LPCAT1: variants seen among roughly 807,000 people sequenced by gnomAD.
The protein encoded by LPCAT1 is lysophosphatidylcholine acyltransferase 1, also known as 1-acylglycerol-3-phosphate O-acyltransferase.
LPCAT1 carries 23 observed loss-of-function variants against 60.9 expected under a neutral mutation model. The ratio of observed to expected loss-of-function variants is 0.38; its 90% CI spans 0.27 to 0.53. The LOEUF (loss-of-function observed/expected upper bound fraction) is 0.53, where lower values mean the gene tolerates loss of function less well. Among genes scored for constraint, LPCAT1 ranks in the 20% least tolerant of loss-of-function variants. The pLI, the probability that LPCAT1 is intolerant of heterozygous loss-of-function variation, is 0.82. For missense variants in LPCAT1, 622 were observed against 723.6 expected (o/e 0.86, Z 1.61); for synonymous variants, 340 against 301.1 (o/e 1.13, Z -1.34).
At chr5:1,506,454 G>A (rs376412886) in intron 1 of LPCAT1, among the ~76,000 whole-genome samples, 11 of 152,208 alleles carry the variant, frequency 7.2e-5, no homozygotes, top group East Asian at 1.9e-4. Flanking sequence ...CCACCCCTGC[G>A]TCCAGCCTCA....
At position 1,489,571 on chromosome 5, in the gene LPCAT1, C is replaced by T. The variant is rs994347567; in HGVS notation, c.606+175G>A. ...TTTTCTTTACTTTAACTTTAAATTTCGGGCACCGAAACCAAATGCACCTGA... is the reference window on the plus strand; with the variant it reads ...TTTTCTTTACTTTAACTTTAAATTTTGGGCACCGAAACCAAATGCACCTGA... On this transcript the variant is annotated intron_variant, in intron 4 of 13. Coordinates refer to ENST00000283415, the MANE Select transcript of LPCAT1 (RefSeq NM_024830.5). Among the ~76,000 whole-genome samples, 5 of 152,228 alleles carry T rather than the reference C, an allele frequency of 3.3e-5. No individual in the cohort carries two copies. In the East Asian group the frequency reaches 5.8e-4, roughly 18 times the overall value.
In LPCAT1 at chr5:1,502,338, A is replaced by T. The variant is rs2937646; in HGVS notation, c.136-735T>A. On this transcript the variant is annotated intron_variant, in intron 1 of 13. Transcript: ENST00000283415. The surrounding 1 kb of genome is among the most constrained non-coding windows in gnomAD (Gnocchi z 5.5). ...GAAATCGTTTATGTGGACATGAGAAAGCATACGCCACCCTAGGCAGTGTTG... is the reference window on the plus strand; with the variant it reads ...GAAATCGTTTATGTGGACATGAGAATGCATACGCCACCCTAGGCAGTGTTG... 0.49 allele frequency among the ~76,000 whole-genome samples: 74,057 copies of T among 152,082 alleles called. 20,973 individuals are homozygous for T. The highest frequency in any genetic ancestry group is 0.79 in the African/African-American group (32,624 of 41,476).
intron 1 of LPCAT1, among the ~76,000 whole-genome samples, chr5:1,508,440 T>A (rs113352160): frequency 0.012 from 1,857 of 152,208 alleles, 36 homozygotes; most frequent in African/African-American, 0.043. Context: ...CCAACCTGCC[T>A]GGTGTCCTTA....
chr5:1,501,318 G>T, intron 2 of LPCAT1, 143 bp downstream of exon 2: 1 of 1,155,436 alleles, frequency 8.7e-7, no homozygotes, highest in Non-Finnish European at 1.2e-6. Context: ...CTGGCAGGGG[G>T]CAGCCCTGGT....
chr5:1,464,667 G>A lies in LPCAT1; in HGVS notation c.1421-832C>T, dbSNP rs187977564. Among the ~76,000 whole-genome samples, 1,048 of 111,418 alleles carry A rather than the reference G, an allele frequency of 9.4e-3. 13 individuals carry two copies. The highest frequency in any genetic ancestry group is 0.019 in the Admixed American group (180 of 9,434). 73.1% of individuals were successfully genotyped at this position (111,418 alleles called of 152,430 possible). A position where few individuals can be genotyped will look rare whatever the true frequency, so the allele number is the denominator to read the frequency against. On this transcript the variant is annotated intron_variant, in intron 13 of 13. Coordinates refer to ENST00000283415, the MANE Select transcript of LPCAT1 (RefSeq NM_024830.5). ...TGCACACACACACACACAAAAGCACGCACACACACGGTAAACAAACACATG... is the reference window on the plus strand; with the variant it reads ...TGCACACACACACACACAAAAGCACACACACACACGGTAAACAAACACATG...
Position 1,521,153 on chromosome 5 carries a change from G to A in LPCAT1, c.135+2557C>T, listed in dbSNP as rs1371851564. 2.0e-5 allele frequency among the ~76,000 whole-genome samples: 3 copies of A among 152,208 alleles called. No individual in the cohort carries two copies. Among genetic ancestry groups the A allele is most frequent in the African/African-American group, 7.2e-5 (3 of 41,446 alleles). ...CATTGCACGTATTACAGACCCTGAT[G>A]GCTTTGATACCTCTTTTCAGATCTT... On this transcript the variant is annotated intron_variant, in intron 1 of 13. Transcript: ENST00000283415. The surrounding 1 kb of genome is among the most constrained non-coding windows in gnomAD (Gnocchi z 4.3).
chr5:1,479,372 G>C, intron 8 of LPCAT1: 1 of 539,684 alleles, frequency 1.9e-6, no homozygotes, highest in South Asian at 2.4e-5. Context: ...AAGACAAAAT[G>C]CTGTCTCAGA....
rs747144757 is a variant in LPCAT1, at chr5:1,466,715, G to A, written c.1420+34C>T. 16 of 1,589,120 alleles carry A rather than the reference G, an allele frequency of 1.0e-5. No individual in the cohort carries two copies. The South Asian group carries it at 1.6e-4, about 16-fold the overall frequency. ...ACACTCTGTCCAGCCCCCGCCCAAG[G>A]GTCGCGAGGACGACCCCACTCCTGC... On this transcript the variant is annotated intron_variant, in intron 13 of 13. Transcript: ENST00000283415.
At chr5:1,484,011 A>AG (rs1735275867) in intron 5 of LPCAT1, among the ~76,000 whole-genome samples, 1 of 152,260 alleles carries the variant, frequency 6.6e-6, no homozygotes, top group African/African-American at 2.4e-5. Context: ...TGACGGGGTT[A>AG]GGGTCTGCCC....
At chr5:1,492,903 A>G (rs1364349498) in intron 3 of LPCAT1, among the ~76,000 whole-genome samples, 1 of 152,242 alleles carries the variant, frequency 6.6e-6, no homozygotes, top group Non-Finnish European at 1.5e-5. Context: ...CTGGGCACAC[A>G]GCTCCACAAT....
intron 13 of LPCAT1, 51 bp from the exon 14 acceptor site, chr5:1,463,886 T>A (rs1390209006): frequency 6.3e-7 from 1 of 1,588,294 alleles, no homozygotes; most frequent in East Asian, 2.2e-5. Flanking sequence ...AGCAAATGTC[T>A]AGGATTTGGA....
At chr5:1,491,155 C>T (rs1179606386) in intron 3 of LPCAT1, among the ~76,000 whole-genome samples, 3 of 107,614 alleles carry the variant, frequency 2.8e-5, no homozygotes, top group African/African-American at 9.8e-5. Context: ...TGCTTTTTCA[C>T]GATTCCAGTA....
At chr5:1,492,734 T>G (rs968465660) in intron 3 of LPCAT1, among the ~76,000 whole-genome samples, 1 of 152,158 alleles carries the variant, frequency 6.6e-6, no homozygotes, top group African/African-American at 2.4e-5. Flanking sequence ...TCTAGAAAGA[T>G]AGGACTACAA....
intron 6 of LPCAT1, among the ~76,000 whole-genome samples, chr5:1,482,071 G>A (rs1268598239): frequency 1.3e-5 from 2 of 152,170 alleles, no homozygotes; most frequent in African/African-American, 4.8e-5. Context: ...TGATGGGCAG[G>A]CCCTCCTCGG....
At chr5:1,491,043 C>G (rs1471852347) in intron 3 of LPCAT1, among the ~76,000 whole-genome samples, 1 of 151,682 alleles carries the variant, frequency 6.6e-6, no homozygotes, top group Non-Finnish European at 1.5e-5. Context: ...TGGAGGTTCT[C>G]TCCTCCAAGA....
At position 1,477,419 on chromosome 5, in the gene LPCAT1, C is replaced by T. The variant is rs770793471; in HGVS notation, c.884G>A (p.Arg295Gln). The T allele has an allele frequency of 2.7e-5, 43 of 1,613,870 alleles. No homozygotes were observed. Among genetic ancestry groups the T allele is most frequent in the South Asian group, 5.5e-5 (5 of 91,068 alleles). The change falls in exon 9 of 14, where the codon CGG becomes CAG. Residue 295 changes from arginine to glutamine, a missense_variant. Arg to Gln is a conservative substitution (Grantham distance 43, BLOSUM62 1). Transcript: ENST00000283415. This position sits in a 1 kb window ranked among gnomAD's most constrained non-coding sequence, Gnocchi z 6.0. ...GCTCACTTACTCGGCCATGACTCGC[C>T]GCACGTTGCTGGCATACAGCGCGGG... is the stretch of plus-strand genomic sequence containing the variant. ...RNPALYASNV[R>Q]RVMAEALGVS... is the part of the protein sequence containing the mutation.
chr5:1,476,056 G>A lies in LPCAT1; in HGVS notation c.899+1348C>T, dbSNP rs1238857372. Among the ~76,000 whole-genome samples, 1 of 152,218 alleles carries A rather than the reference G, an allele frequency of 6.6e-6. No homozygotes were observed. Among genetic ancestry groups the A allele is most frequent in the Non-Finnish European group, 1.5e-5 (1 of 68,042 alleles). On this transcript the variant is annotated intron_variant, in intron 9 of 13. Coordinates refer to ENST00000283415, the MANE Select transcript of LPCAT1 (RefSeq NM_024830.5). This position sits in a 1 kb window ranked among gnomAD's most constrained non-coding sequence, Gnocchi z 8.6. The stretch of plus-strand genomic sequence containing the variant: ...ATTCTGAATTACTACAATGGAAATG[G>A]CAGCACTCTCGTACCCTAAAAAAAG...
At chr5:1,505,774 C>A (rs1021987165) in intron 1 of LPCAT1, among the ~76,000 whole-genome samples, 6 of 152,258 alleles carry the variant, frequency 3.9e-5, no homozygotes, top group African/African-American at 1.4e-4. Flanking sequence ...GACCACCTGA[C>A]CCTCACCTCA....
In LPCAT1 at chr5:1,466,749, C is replaced by G; in HGVS notation, c.1420G>C (p.Ala474Pro). ...DQEEKGKITF[A>P]DFHRFAEMYP... ...GACGACCCCACTCCTGCGGGCTCAC[C>G]GAATGTGATCTTCCCCTTCTCCTCT... is the stretch of plus-strand genomic sequence containing the variant. The change falls in exon 13 of 14, where the codon GCT (alanine) becomes CCT (proline). Residue 474 changes from alanine to proline, a missense_variant and splice_region_variant. Coordinates refer to ENST00000283415, the MANE Select transcript of LPCAT1 (RefSeq NM_024830.5). 6.2e-7 allele frequency: 1 copy of G among 1,611,170 alleles called. No individual in the cohort carries two copies. The highest frequency in any genetic ancestry group is 2.2e-5 in the East Asian group (1 of 44,688).
Sources: allele counts gnomAD v4.1 joint callset (sites outside exome capture counted in the v4.1 genomes callset), GRCh38; gene constraint gnomAD v4.1.1; non-coding constraint Gnocchi (gnomAD v3.1); transcripts MANE v1.5; gene names NCBI Gene and HGNC (gene_info 2026-07-23, HGNC 2026-07-21).